PLPPR1: variants seen among roughly 807,000 people sequenced by gnomAD.
PLPPR1 encodes phospholipid phosphatase related 1.
In PLPPR1, 10 loss-of-function variants were observed where a neutral mutation model predicts 33.1. The observed-to-expected ratio is 0.30, with a 90% confidence interval of 0.19 to 0.51. The LOEUF is 0.51. PLPPR1 is among the 20% of genes least tolerant of loss of function. The probability of loss-of-function intolerance (pLI) is 0.97; values close to 1 mark genes in which losing one functional copy is unlikely to be tolerated. For missense variants in PLPPR1, 304 were observed against 408.1 expected (o/e 0.74, Z 2.20); for synonymous variants, 151 against 151.0 (o/e 1.00, Z 0.00).
chr9:101,236,914 A>G (rs1467414154), intron 2 of PLPPR1, among the ~76,000 whole-genome samples: 6 of 151,834 alleles, frequency 4.0e-5, no homozygotes, highest in Admixed American at 1.3e-4. Flanking sequence ...TAGAATGGGA[A>G]GAAAATGTTT....
At chr9:101,215,973 T>A (rs1458562926) in intron 2 of PLPPR1, among the ~76,000 whole-genome samples, 1 of 152,200 alleles carries the variant, frequency 6.6e-6, no homozygotes, top group Admixed American at 6.5e-5. Flanking sequence ...ATCTCTTTGA[T>A]ATACTGATTT....
chr9:101,142,319 A>G (rs1355917979), intron 1 of PLPPR1, among the ~76,000 whole-genome samples: 1 of 152,190 alleles, frequency 6.6e-6, no homozygotes, highest in Non-Finnish European at 1.5e-5. Flanking sequence ...TAATACAAAA[A>G]ATGAGTAGAT....
intron 1 of PLPPR1, among the ~76,000 whole-genome samples, chr9:101,135,689 C>T (rs538945040): frequency 2.0e-5 from 3 of 152,334 alleles, no homozygotes; most frequent in South Asian, 4.1e-4. Context: ...TTCCCTTCTA[C>T]TCTGAGTTAC....
At chr9:101,150,007 T>C (rs1003128753) in intron 1 of PLPPR1, among the ~76,000 whole-genome samples, 15 of 152,268 alleles carry the variant, frequency 9.9e-5, no homozygotes, top group African/African-American at 3.4e-4. Context: ...TTTTATGTCA[T>C]TTCTTTAAGC....
intron 1 of PLPPR1, among the ~76,000 whole-genome samples, chr9:101,029,724 T>C (rs915984905): frequency 5.3e-5 from 8 of 152,054 alleles, no homozygotes; most frequent in African/African-American, 1.9e-4. Flanking sequence ...CTCGGGTCAG[T>C]GCGGGGATAA....
At chr9:101,154,267 A>G (rs929887970) in intron 1 of PLPPR1, among the ~76,000 whole-genome samples, 1 of 152,174 alleles carries the variant, frequency 6.6e-6, no homozygotes, top group Non-Finnish European at 1.5e-5. Context: ...ATTGATTGGA[A>G]TAGTTTCAGA....
chr9:101,111,510 G>T (rs966109157), intron 1 of PLPPR1, among the ~76,000 whole-genome samples: 2 of 151,956 alleles, frequency 1.3e-5, no homozygotes, highest in African/African-American at 4.8e-5. Flanking sequence ...AATATTTGGG[G>T]GATAGTATTT....
At chr9:101,116,366 C>A (rs1831118028) in intron 1 of PLPPR1, among the ~76,000 whole-genome samples, 1 of 152,194 alleles carries the variant, frequency 6.6e-6, no homozygotes, top group African/African-American at 2.4e-5. Flanking sequence ...AATCAATATT[C>A]TAATTTTGTC....
chr9:101,142,825 T>C (rs1270341303), intron 1 of PLPPR1, among the ~76,000 whole-genome samples: 2 of 152,094 alleles, frequency 1.3e-5, no homozygotes, highest in Admixed American at 1.3e-4. Flanking sequence ...GTTCCCATTA[T>C]AGTGGGCAGA....
At chr9:101,226,575 G>A (rs183076203) in intron 2 of PLPPR1, among the ~76,000 whole-genome samples, 2 of 152,198 alleles carry the variant, frequency 1.3e-5, no homozygotes, top group East Asian at 3.9e-4. Flanking sequence ...TCTTCTCCTT[G>A]TGTTCTTATG....
intron 2 of PLPPR1, among the ~76,000 whole-genome samples, chr9:101,227,759 A>C (rs997495651): frequency 2.0e-5 from 3 of 152,120 alleles, no homozygotes; most frequent in African/African-American, 7.2e-5. Flanking sequence ...TGAAGTTTCT[A>C]GTTTTTCAAT....
chr9:101,071,587 G>A (rs1225534129), intron 1 of PLPPR1, among the ~76,000 whole-genome samples: 1 of 143,190 alleles, frequency 7.0e-6, no homozygotes, highest in Non-Finnish European at 1.5e-5. Flanking sequence ...AATCATGTGA[G>A]AGCAATGGGA....
intron 4 of PLPPR1, among the ~76,000 whole-genome samples, chr9:101,292,939 A>C (rs1016904305): frequency 6.6e-6 from 1 of 151,926 alleles, no homozygotes; most frequent in Non-Finnish European, 1.5e-5. Flanking sequence ...GACAGGATCA[A>C]ATTCACACAT....
intron 2 of PLPPR1, among the ~76,000 whole-genome samples, chr9:101,241,988 T>C (rs566230756): frequency 1.3e-5 from 2 of 152,218 alleles, no homozygotes; most frequent in South Asian, 2.1e-4. Flanking sequence ...AGAATCTGGC[T>C]GATTGGCTCT....
At chr9:101,294,070 GAAGAA>G (rs1273814302) in intron 4 of PLPPR1, among the ~76,000 whole-genome samples, 1 of 152,016 alleles carries the variant, frequency 6.6e-6, no homozygotes, top group Non-Finnish European at 1.5e-5. Flanking sequence ...GACTAATAAA[GAAGAA>G]AAGAGAAGAA....
chr9:101,177,613 C>A (rs1195985871), intron 1 of PLPPR1, among the ~76,000 whole-genome samples: 1 of 152,138 alleles, frequency 6.6e-6, no homozygotes, highest in Non-Finnish European at 1.5e-5. Flanking sequence ...CTCCATATGG[C>A]CAACCTTTGA....
chr9:101,144,353 G>T (rs1012543432), intron 1 of PLPPR1, among the ~76,000 whole-genome samples: 1 of 152,180 alleles, frequency 6.6e-6, no homozygotes, highest in Non-Finnish European at 1.5e-5. Context: ...CATGGCACAT[G>T]TATACATATG....
intron 1 of PLPPR1, among the ~76,000 whole-genome samples, chr9:101,132,040 T>C (rs1047436409): frequency 1.3e-5 from 2 of 152,202 alleles, no homozygotes; most frequent in African/African-American, 4.8e-5. Context: ...CTGTGGTGTA[T>C]TGGGATTATC....
intron 1 of PLPPR1, among the ~76,000 whole-genome samples, chr9:101,063,841 A>G (rs1830375628): frequency 6.6e-6 from 1 of 152,048 alleles, no homozygotes. Context: ...GCTTACCATA[A>G]TTGGCCATCA....
Sources: gnomAD v4.1 joint callset for allele counts (sites outside exome capture counted in the v4.1 genomes callset) on GRCh38, gnomAD v4.1.1 for gene constraint, MANE v1.5 for transcripts, NCBI Gene and HGNC (gene_info 2026-07-23, HGNC 2026-07-21) for gene names.